Variants in IKBKB-DT observed in about 807,000 individuals in gnomAD.
IKBKB-DT encodes the protein IKBKB antisense RNA.
intron 3 of IKBKB-DT, among the ~76,000 whole-genome samples, chr8:42,243,492 T>C (rs1366897261): frequency 6.6e-6 from 1 of 152,202 alleles, no homozygotes; most frequent in East Asian, 1.9e-4. Flanking sequence ...CCAGAACATC[T>C]CTGGAGGTTT....
intron 3 of IKBKB-DT, among the ~76,000 whole-genome samples, chr8:42,251,506 A>G (rs1198825613): frequency 2.0e-5 from 3 of 152,244 alleles, no homozygotes; most frequent in Non-Finnish European, 2.9e-5. Context: ...AGCATGTCCA[A>G]CAGTTACATA....
chr8:42,245,270 AAAT>A (rs1201547053), intron 3 of IKBKB-DT, among the ~76,000 whole-genome samples: 4 of 152,134 alleles, frequency 2.6e-5, no homozygotes, highest in Non-Finnish European at 1.5e-5. Context: ...AAAATTTAAA[AAAT>A]AATAATAATA....
exon 1 of IKBKB-DT, chr8:42,271,213 G>C (rs1442453967): frequency 3.3e-6 from 2 of 608,798 alleles, no homozygotes; most frequent in African/African-American, 1.9e-5. Flanking sequence ...CGAGGGTCCC[G>C]GGACAGGCGC....
intron 3 of IKBKB-DT, among the ~76,000 whole-genome samples, chr8:42,238,213 G>A (rs1427369211): frequency 6.6e-6 from 1 of 151,632 alleles, no homozygotes; most frequent in Non-Finnish European, 1.5e-5. Flanking sequence ...CCCTACCCTT[G>A]AGAACCAACA....
chr8:42,248,933 G>A (rs528386041), intron 3 of IKBKB-DT: 8 of 151,674 alleles, frequency 5.3e-5, no homozygotes, highest in South Asian at 2.1e-4. Flanking sequence ...AAACAAAGGT[G>A]TAAATTTTAC....
intron 1 of IKBKB-DT, among the ~76,000 whole-genome samples, chr8:42,268,034 G>A (rs1286360329): frequency 6.6e-6 from 1 of 151,426 alleles, no homozygotes; most frequent in East Asian, 1.9e-4. Flanking sequence ...TCAGGACAGT[G>A]TTTTTCAGAG....
At chr8:42,249,569 C>T (rs116058507) in intron 3 of IKBKB-DT, among the ~76,000 whole-genome samples, 1 of 151,862 alleles carries the variant, frequency 6.6e-6, no homozygotes, top group Non-Finnish European at 1.5e-5. Flanking sequence ...ACATGAGAAC[C>T]TACAAAGCTC....
At chr8:42,266,933 G>A (rs951270192) in intron 1 of IKBKB-DT, among the ~76,000 whole-genome samples, 9 of 151,930 alleles carry the variant, frequency 5.9e-5, no homozygotes, top group African/African-American at 2.4e-5. Context: ...AGTAGCCCTC[G>A]GGGGCTGCTC....
At chr8:42,238,554 G>A (rs577894421) in intron 3 of IKBKB-DT, among the ~76,000 whole-genome samples, 1 of 152,214 alleles carries the variant, frequency 6.6e-6, no homozygotes, top group Admixed American at 6.5e-5. Context: ...AACCAGCCAT[G>A]GTTCCTTAGG....
chr8:42,240,624 CAA>C (rs1208809199), intron 3 of IKBKB-DT, among the ~76,000 whole-genome samples: 2 of 26,392 alleles, frequency 7.6e-5, no homozygotes, highest in Admixed American at 4.8e-4. Context: ...GACTCAGTCT[CAA>C]AAAAAAAAAA....
At chr8:42,262,883 C>G (rs979200907) in intron 3 of IKBKB-DT, among the ~76,000 whole-genome samples, 1 of 152,048 alleles carries the variant, frequency 6.6e-6, no homozygotes, top group African/African-American at 2.4e-5. Context: ...GGACTACAGG[C>G]GAACACCACC....
At chr8:42,258,039 C>T (rs939211773) in intron 3 of IKBKB-DT, among the ~76,000 whole-genome samples, 12 of 151,318 alleles carry the variant, frequency 7.9e-5, no homozygotes, top group African/African-American at 2.9e-4. Flanking sequence ...TCTGATAAGA[C>T]GCAGATTTTT....
At chr8:42,236,755 C>A (rs1806928856) in intron 3 of IKBKB-DT, among the ~76,000 whole-genome samples, 1 of 152,178 alleles carries the variant, frequency 6.6e-6, no homozygotes, top group Admixed American at 6.6e-5. Flanking sequence ...GAAACTCCAT[C>A]ACACACACAA....
At chr8:42,265,970 G>A (rs1807363636) in exon 2 of IKBKB-DT, among the ~76,000 whole-genome samples, 1 of 152,156 alleles carries the variant, frequency 6.6e-6, no homozygotes, top group African/African-American at 2.4e-5. Flanking sequence ...AGCTCTGCAT[G>A]GAGCCCAAAG....
intron 3 of IKBKB-DT, among the ~76,000 whole-genome samples, chr8:42,252,477 C>CA (rs1807141538): frequency 6.6e-6 from 1 of 152,202 alleles, no homozygotes; most frequent in African/African-American, 2.4e-5. Context: ...CCCAGATGAG[C>CA]AACACCACCT....
At chr8:42,254,311 T>G (rs1807166062) in intron 3 of IKBKB-DT, among the ~76,000 whole-genome samples, 1 of 152,238 alleles carries the variant, frequency 6.6e-6, no homozygotes, top group Non-Finnish European at 1.5e-5. Flanking sequence ...GCAAAATAAG[T>G]CTAGTCTCTT....
chr8:42,243,976 C>T (rs1807033576), intron 3 of IKBKB-DT, among the ~76,000 whole-genome samples: 1 of 152,116 alleles, frequency 6.6e-6, no homozygotes, highest in South Asian at 2.1e-4. Flanking sequence ...TACTGCTGCC[C>T]CATTAGGGAA....
At chr8:42,256,864 A>T (rs1807209320) in intron 3 of IKBKB-DT, among the ~76,000 whole-genome samples, 1 of 152,174 alleles carries the variant, frequency 6.6e-6, no homozygotes, top group South Asian at 2.1e-4. Flanking sequence ...CAAAGAAACC[A>T]CATAAGCATG....
intron 1 of IKBKB-DT, among the ~76,000 whole-genome samples, chr8:42,268,296 A>G (rs995902285): frequency 3.3e-5 from 5 of 151,542 alleles, no homozygotes; most frequent in Non-Finnish European, 7.4e-5. Context: ...CACCACGCCC[A>G]GCTAATTTTT....
Sources: gnomAD v4.1 joint callset for allele counts (sites outside exome capture counted in the v4.1 genomes callset) on GRCh38, gnomAD v4.1.1 for gene constraint, MANE v1.5 for transcripts, NCBI Gene and HGNC (gene_info 2026-07-23, HGNC 2026-07-21) for gene names.